CSNK2A2IP: variants seen among roughly 807,000 people sequenced by gnomAD.
CSNK2A2IP encodes casein kinase II subunit alpha'-interacting protein.
the CSNK2A2IP span, among the ~76,000 whole-genome samples, chr3:88,386,680 G>A: frequency 1.8e-3 from 271 of 152,276 alleles, 3 homozygotes; most frequent in Non-Finnish European, 1.7e-3. Flanking sequence ...GATGTTATTG[G>A]GGGGATACAA....
the CSNK2A2IP span, among the ~76,000 whole-genome samples, chr3:88,378,082 G>C: frequency 6.6e-6 from 1 of 151,752 alleles, no homozygotes; most frequent in African/African-American, 2.4e-5. Context: ...AGACATGCTT[G>C]CCTGCAAAAC....
At chr3:88,375,871 C>A in the CSNK2A2IP span, among the ~76,000 whole-genome samples, 15,140 of 151,700 alleles carry the variant, frequency 0.1, 878 homozygotes, top group East Asian at 0.21. Context: ...CCACTCTGTC[C>A]CTTTCCTATC....
chr3:88,439,299 T>C, the CSNK2A2IP span, among the ~76,000 whole-genome samples: 1 of 152,220 alleles, frequency 6.6e-6, no homozygotes, highest in Non-Finnish European at 1.5e-5. Flanking sequence ...TCTGTGGTGC[T>C]TCCTTTCCTA....
chr3:88,343,436 T>C, the CSNK2A2IP span, among the ~76,000 whole-genome samples: 1 of 151,884 alleles, frequency 6.6e-6, no homozygotes, highest in African/African-American at 2.4e-5. Context: ...AGTGAGTCTG[T>C]TGACAGAAAT....
the CSNK2A2IP span, among the ~76,000 whole-genome samples, chr3:88,452,027 C>T: frequency 1.3e-5 from 2 of 152,026 alleles, no homozygotes; most frequent in Non-Finnish European, 2.9e-5. Flanking sequence ...GGATGAACTG[C>T]TCTGGAATAT....
chr3:88,431,781 A>G, the CSNK2A2IP span, among the ~76,000 whole-genome samples: 1 of 152,168 alleles, frequency 6.6e-6, no homozygotes, highest in Admixed American at 6.5e-5. Flanking sequence ...CTTCTGGAAA[A>G]GATAAAGTTG....
chr3:88,360,342 C>A, the CSNK2A2IP span, among the ~76,000 whole-genome samples: 1 of 151,940 alleles, frequency 6.6e-6, no homozygotes, highest in African/African-American at 2.4e-5. Flanking sequence ...ACCGTGTTAG[C>A]CAGGATGGTC....
the CSNK2A2IP span, among the ~76,000 whole-genome samples, chr3:88,426,897 G>C: frequency 4.6e-5 from 7 of 151,444 alleles, no homozygotes; most frequent in Non-Finnish European, 8.8e-5. Flanking sequence ...GATGGGGGGG[G>C]GCGGTGGGGT....
chr3:88,411,280 T>C, the CSNK2A2IP span, among the ~76,000 whole-genome samples: 2 of 151,882 alleles, frequency 1.3e-5, no homozygotes, highest in African/African-American at 2.4e-5. Flanking sequence ...TTCTTCCTAA[T>C]TGAGACATTC....
At chr3:88,429,614 A>C in the CSNK2A2IP span, among the ~76,000 whole-genome samples, 1 of 152,222 alleles carries the variant, frequency 6.6e-6, no homozygotes, top group Non-Finnish European at 1.5e-5. Context: ...TTTCATTATC[A>C]GATGGGCCTG....
the CSNK2A2IP span, among the ~76,000 whole-genome samples, chr3:88,462,326 A>G: frequency 6.6e-6 from 1 of 152,124 alleles, no homozygotes; most frequent in Non-Finnish European, 1.5e-5. Context: ...TTGGTAGAAT[A>G]GTCTGTAGTA....
the CSNK2A2IP span, among the ~76,000 whole-genome samples, chr3:88,385,608 C>G: frequency 6.6e-6 from 1 of 151,564 alleles, no homozygotes; most frequent in Non-Finnish European, 1.5e-5. Context: ...ATAGATACTA[C>G]TAGAACATAT....
chr3:88,385,355 G>T, the CSNK2A2IP span, among the ~76,000 whole-genome samples: 27 of 152,192 alleles, frequency 1.8e-4, no homozygotes, highest in East Asian at 5.2e-3. Flanking sequence ...AAAACAAAGA[G>T]ATTCAATTGA....
chr3:88,386,510 G>T, the CSNK2A2IP span, among the ~76,000 whole-genome samples: 1 of 152,188 alleles, frequency 6.6e-6, no homozygotes, highest in Non-Finnish European at 1.5e-5. Context: ...AGGAAAGTAT[G>T]CCAGAGAGAC....
the CSNK2A2IP span, among the ~76,000 whole-genome samples, chr3:88,357,491 T>C: frequency 6.6e-6 from 1 of 152,204 alleles, no homozygotes; most frequent in African/African-American, 2.4e-5. Context: ...AGCTTTGTAG[T>C]ATTATTTGAA....
chr3:88,342,737 T>C, the CSNK2A2IP span, among the ~76,000 whole-genome samples: 10 of 150,814 alleles, frequency 6.6e-5, no homozygotes, highest in Admixed American at 6.6e-4. Flanking sequence ...AATGCAAAAC[T>C]GTATATACAT....
the CSNK2A2IP span, among the ~76,000 whole-genome samples, chr3:88,396,195 C>A: frequency 6.6e-6 from 1 of 151,004 alleles, no homozygotes; most frequent in Non-Finnish European, 1.5e-5. Context: ...GGCTCCGCCC[C>A]CTGGGGTTCA....
the CSNK2A2IP span, among the ~76,000 whole-genome samples, chr3:88,455,574 T>C: frequency 2.1e-4 from 32 of 152,094 alleles, no homozygotes; most frequent in African/African-American, 7.5e-4. Flanking sequence ...TTGAGTTGTG[T>C]AAGTTTCTTA....
At chr3:88,359,461 TG>T in the CSNK2A2IP span, among the ~76,000 whole-genome samples, 6 of 151,614 alleles carry the variant, frequency 4.0e-5, no homozygotes, top group Non-Finnish European at 7.4e-5. Context: ...ATCATTTGGT[TG>T]TTTTTTTTGA....
Sources: allele counts gnomAD v4.1 joint callset (sites outside exome capture counted in the v4.1 genomes callset), GRCh38; gene constraint gnomAD v4.1.1; transcripts MANE v1.5; gene names NCBI Gene and HGNC (gene_info 2026-07-23, HGNC 2026-07-21).